The following ZFR variants were observed in gnomAD, a reference collection of about 807,000 sequenced individuals.
The protein encoded by ZFR is zinc finger RNA binding protein.
Under a neutral mutation model 130.7 loss-of-function variants are expected in ZFR, and 19 were observed. That is an observed-to-expected ratio of 0.15 (90% confidence interval 0.10 to 0.21). The LOEUF is 0.21. ZFR is among the 10% of genes least tolerant of loss of function. The pLI, the probability that ZFR is intolerant of heterozygous loss-of-function variation, is 1.00. For missense variants in ZFR, 872 were observed against 1,321.5 expected, an observed-to-expected ratio of 0.66 and a Z score of 5.27; for synonymous variants, 466 against 456.9, an observed-to-expected ratio of 1.02 and a Z score of -0.25.
At chr5:32,415,218 G>GT in intron 4 of ZFR, 31 bp from the exon 5 acceptor site, 4 of 1,593,450 alleles carry the variant, frequency 2.5e-6, no homozygotes, top group Non-Finnish European at 3.4e-6. Flanking sequence ...CAGAAAATTA[G>GT]AAGAGTAAGC....
Position 32,397,241 on chromosome 5 carries a change from C to T in ZFR, c.1811G>A (p.Arg604Gln). 1.2e-6 allele frequency: 2 copies of T among 1,610,684 alleles called. No homozygotes were observed. The highest frequency in any genetic ancestry group is 8.5e-7 in the Non-Finnish European group (1 of 1,178,550). Reference protein sequence around the residue: ...PNAKEMHLKGRRHRLQYKKKV... With the variant: ...PNAKEMHLKGQRHRLQYKKKV... The stretch of plus-strand genomic sequence containing the variant: ...CACTTTATATTGAAGTCTGTGTCTT[C>T]GCCCTTTTAAGTGCATCTCCTTAGC... Residue 604 changes from arginine (R) to glutamine (Q), a missense_variant, in exon 10 of 20, where the codon CGA becomes CAA. Physicochemically the swap from Arg to Gln is conservative, Grantham distance 43. This residue lies in a region of ZFR where 54 missense variants were observed against 119.9 expected (regional missense o/e 0.45). Transcript: ENST00000265069.
intron 2 of ZFR, among the ~76,000 whole-genome samples, chr5:32,437,891 C>A (rs1034504811): frequency 2.6e-5 from 4 of 152,134 alleles, no homozygotes; most frequent in Non-Finnish European, 4.4e-5. Context: ...CCTTCCTTAT[C>A]ATTTCTGCAA....
chr5:32,387,520 G>A (rs1475727527), intron 14 of ZFR, 29 bp downstream of exon 14: 18 of 1,606,312 alleles, frequency 1.1e-5, no homozygotes, highest in Non-Finnish European at 1.4e-5. Context: ...CAGACAAGGG[G>A]TAAAAATGAA....
chr5:32,419,559 A>C (rs1753907179), intron 3 of ZFR, among the ~76,000 whole-genome samples: 1 of 152,136 alleles, frequency 6.6e-6, no homozygotes, highest in Admixed American at 6.5e-5. Flanking sequence ...GCTGGTCTTG[A>C]ACTCCTGACC....
Position 32,380,099 on chromosome 5 carries a change from A to G in ZFR, c.2715T>C (p.Ala905=). The G allele has an allele frequency of 6.2e-7, 1 of 1,614,116 alleles. No homozygotes were observed. Among genetic ancestry groups the G allele is most frequent in the Non-Finnish European group, 8.5e-7 (1 of 1,179,958 alleles). The change falls in exon 16 of 20, where the codon GCT becomes GCC. Residue 905 remains alanine, a synonymous_variant. Transcript: ENST00000265069. ...DRQKCLDALA[A]LRHAKWFQAR... is the part of the protein sequence containing the mutation. ...CCTGGAACCACTTAGCGTGGCGTAG[A>G]GCAGCCAGAGCGTCAAGGCATTTTT...
chr5:32,362,477 T>C (rs907724172), intron 19 of ZFR, among the ~76,000 whole-genome samples: 4 of 152,162 alleles, frequency 2.6e-5, no homozygotes, highest in African/African-American at 9.7e-5. Flanking sequence ...TTGACACTGG[T>C]ACTTCAGATT....
intron 17 of ZFR, among the ~76,000 whole-genome samples, chr5:32,372,080 C>T (rs1752678543): frequency 1.3e-5 from 2 of 152,126 alleles, no homozygotes; most frequent in African/African-American, 4.8e-5. Flanking sequence ...ATTTGGAGTG[C>T]CATAGTATAT....
chr5:32,440,750 T>C (rs1196985099), intron 2 of ZFR, among the ~76,000 whole-genome samples: 1 of 152,146 alleles, frequency 6.6e-6, no homozygotes, highest in Non-Finnish European at 1.5e-5. Flanking sequence ...CAAAATTGTC[T>C]AATATGCATG....
intron 2 of ZFR, among the ~76,000 whole-genome samples, chr5:32,430,766 T>C (rs1249411956): frequency 6.6e-6 from 1 of 151,964 alleles, no homozygotes. Context: ...TATTTTAAGA[T>C]GAAGAAAAAA....
chr5:32,423,460 T>C (rs1390289408), intron 2 of ZFR, among the ~76,000 whole-genome samples: 1 of 151,988 alleles, frequency 6.6e-6, no homozygotes, highest in African/African-American at 2.4e-5. Context: ...AATGAACATA[T>C]GAAGGCCACA....
At position 32,354,424 on chromosome 5, in the gene ZFR, A is replaced by C. The variant is rs934928466; in HGVS notation, c.*1336T>G. On this transcript the variant is annotated 3_prime_UTR_variant, in exon 20 of 20. Transcript: ENST00000265069. ...TAGTTTATGTTGTCAATTCTAACAT[A>C]TAATACATTTAAGTCATTATATGAA... 18 of 152,670 alleles carry C rather than the reference A, an allele frequency of 1.2e-4. No individual in the cohort carries two copies. The highest frequency in any genetic ancestry group is 4.1e-4 in the African/African-American group (17 of 41,468). 9.5% of individuals were successfully genotyped at this position (152,670 alleles called of 1,614,324 possible).
At chr5:32,424,795 T>C (rs867072820) in intron 2 of ZFR, among the ~76,000 whole-genome samples, 4 of 152,254 alleles carry the variant, frequency 2.6e-5, no homozygotes, top group Middle Eastern at 3.4e-3. Flanking sequence ...ATAAAACAGT[T>C]TTTGCTTTAA....
intron 11 of ZFR, among the ~76,000 whole-genome samples, chr5:32,393,193 C>G (rs77229077): frequency 3.3e-4 from 50 of 152,090 alleles, no homozygotes; most frequent in Non-Finnish European, 6.0e-4. Flanking sequence ...ATAACTTTTC[C>G]CACTATTCTG....
intron 19 of ZFR, among the ~76,000 whole-genome samples, chr5:32,360,605 C>G (rs920056743): frequency 6.6e-6 from 1 of 152,146 alleles, no homozygotes; most frequent in Non-Finnish European, 1.5e-5. Flanking sequence ...TACTTTTTGA[C>G]TATCACACAT....
intron 2 of ZFR, among the ~76,000 whole-genome samples, chr5:32,437,549 T>C (rs1186120413): frequency 1.3e-5 from 2 of 152,180 alleles, no homozygotes; most frequent in Non-Finnish European, 2.9e-5. Flanking sequence ...CAGAGTGGTG[T>C]CATGGACAAT....
chr5:32,399,271 T>C (rs947873258), intron 9 of ZFR, among the ~76,000 whole-genome samples: 1 of 105,134 alleles, frequency 9.5e-6, no homozygotes, highest in Admixed American at 1.1e-4. Context: ...TAAGACTCTG[T>C]CTCAAACAAA....
At position 32,438,249 on chromosome 5, in the gene ZFR, GAAA is replaced by G. The variant is rs72390030; in HGVS notation, c.137+5977_137+5979del. ...AACAAGAATGCTACTGATTTTATCT[GAAA>G]ATTTTTTTTTTTTTTTTTTTTTTTT... On this transcript the variant is annotated intron_variant, in intron 2 of 19. Transcript: ENST00000265069. Among the ~76,000 whole-genome samples the G allele has an allele frequency of 3.8e-4, 31 of 80,628 alleles. No homozygotes were observed. The East Asian group carries it at 4.6e-3, about 12-fold the overall frequency. The allele number at this position is 80,628 out of a possible 152,430, so 52.9% of individuals were successfully genotyped here. A position where few individuals can be genotyped will look rare whatever the true frequency, so the allele number is the denominator to read the frequency against.
intron 1 of ZFR, 47 bp from the exon 2 acceptor site, chr5:32,444,375 C>T: frequency 1.3e-6 from 2 of 1,518,838 alleles, no homozygotes; most frequent in African/African-American, 1.4e-5. Flanking sequence ...ACAAGAGACA[C>T]AGAGGAGCCG....
At chr5:32,438,253 A>ATTTT (rs869249272) in intron 2 of ZFR, among the ~76,000 whole-genome samples, 1,612 of 60,958 alleles carry the variant, frequency 0.026, 202 homozygotes, top group African/African-American at 0.05. Context: ...TTATCTGAAA[A>ATTTT]TTTTTTTTTT....
Sources: gnomAD v4.1 joint callset for allele counts (sites outside exome capture counted in the v4.1 genomes callset) on GRCh38, gnomAD v4.1.1 for gene constraint, gnomAD v4.1.1 regional missense constraint, MANE v1.5 for transcripts, NCBI Gene and HGNC (gene_info 2026-07-23, HGNC 2026-07-21) for gene names.